UNC5C: variants seen among roughly 807,000 people sequenced by gnomAD.
The protein encoded by UNC5C is unc-5 netrin receptor C, also known as netrin receptor UNC5C.
Under a neutral mutation model 99.8 loss-of-function variants are expected in UNC5C, and 47 were observed. That is an observed-to-expected ratio of 0.47 (90% CI 0.37 to 0.60). The LOEUF (loss-of-function observed/expected upper bound fraction) is 0.60, where lower values mean the gene tolerates loss of function less well. UNC5C is among the 20% of genes least tolerant of loss of function. UNC5C has a pLI of 0.00. For missense variants in UNC5C, 1,062 were observed against 1,165.9 expected, an observed-to-expected ratio of 0.91 and a Z score of 1.30; for synonymous variants, 487 against 452.2, an observed-to-expected ratio of 1.08 and a Z score of -0.98.
intron 12 of UNC5C, among the ~76,000 whole-genome samples, chr4:95,201,760 T>G (rs755102648): frequency 6.6e-6 from 1 of 151,968 alleles, no homozygotes; most frequent in African/African-American, 2.4e-5. Context: ...CCTGCCATCA[T>G]GCCCGGCTAA....
At chr4:95,453,072 C>T (rs887572147) in intron 1 of UNC5C, among the ~76,000 whole-genome samples, 1 of 152,084 alleles carries the variant, frequency 6.6e-6, no homozygotes, top group African/African-American at 2.4e-5. Flanking sequence ...GGATTTGAAA[C>T]TAGTTTTTCT....
At chr4:95,300,434 G>A (rs983823026) in intron 3 of UNC5C, among the ~76,000 whole-genome samples, 1 of 152,128 alleles carries the variant, frequency 6.6e-6, no homozygotes, top group African/African-American at 2.4e-5. Flanking sequence ...GAACATGTAT[G>A]CTCTAGAAAT....
At position 95,164,915 on chromosome 4, in the gene UNC5C, G is replaced by T. The variant is rs1357909584; in HGVS notation, c.*4319C>A. The T allele has an allele frequency of 6.6e-6, 1 of 152,196 alleles. No homozygotes were observed. Among genetic ancestry groups the T allele is most frequent in the Non-Finnish European group, 1.5e-5 (1 of 68,046 alleles). 9.4% of individuals were successfully genotyped at this position (152,196 alleles called of 1,614,324 possible). On this transcript the variant is annotated 3_prime_UTR_variant, in exon 16 of 16. Transcript: ENST00000453304. Reference sequence around the variant, plus strand: ...TGCTCTCTTGCAAGTCCTTATATAGGTTTATATTTTCCTGGCCCCATAGGG... The same window carrying T: ...TGCTCTCTTGCAAGTCCTTATATAGTTTTATATTTTCCTGGCCCCATAGGG...
intron 1 of UNC5C, among the ~76,000 whole-genome samples, chr4:95,353,200 T>TG (rs1744050358): frequency 6.6e-6 from 1 of 152,140 alleles, no homozygotes; most frequent in Non-Finnish European, 1.5e-5. Flanking sequence ...TAATGCAATT[T>TG]GGGGGTCTCA....
chr4:95,492,000 T>C (rs1721506295), intron 1 of UNC5C, among the ~76,000 whole-genome samples: 1 of 151,540 alleles, frequency 6.6e-6, no homozygotes, highest in Admixed American at 6.6e-5. Flanking sequence ...GTGTTAGTTA[T>C]CTAATTACTA....
intron 7 of UNC5C, among the ~76,000 whole-genome samples, chr4:95,230,877 G>A (rs1221383601): frequency 6.6e-6 from 1 of 151,988 alleles, no homozygotes; most frequent in African/African-American, 2.4e-5. Context: ...CTTTGTAAAA[G>A]AGAACTATTG....
intron 3 of UNC5C, among the ~76,000 whole-genome samples, chr4:95,292,322 T>G (rs1358146802): frequency 6.7e-6 from 1 of 149,638 alleles, no homozygotes; most frequent in Admixed American, 6.7e-5. Context: ...CAGGCTGGAG[T>G]GCAGTAGTGC....
intron 1 of UNC5C, among the ~76,000 whole-genome samples, chr4:95,424,011 C>T (rs2149457346): frequency 6.6e-6 from 1 of 152,176 alleles, no homozygotes; most frequent in African/African-American, 2.4e-5. Flanking sequence ...GATCAGTTTC[C>T]ACAAACTAAA....
intron 1 of UNC5C, among the ~76,000 whole-genome samples, chr4:95,548,305 G>C (rs1186091484): frequency 6.6e-6 from 1 of 152,090 alleles, no homozygotes; most frequent in Non-Finnish European, 1.5e-5. Context: ...TCTTGGCACA[G>C]CGCGGGGAGC....
chr4:95,216,250 T>G (rs757951270), intron 9 of UNC5C, 39 bp from the exon 10 acceptor site: 1 of 1,543,642 alleles, frequency 6.5e-7, no homozygotes, highest in East Asian at 2.3e-5. Context: ...TTAAGACTTT[T>G]GCAGCACGTA....
intron 4 of UNC5C, among the ~76,000 whole-genome samples, chr4:95,273,233 T>C (rs561863250): frequency 1.3e-5 from 2 of 152,342 alleles, no homozygotes; most frequent in Non-Finnish European, 2.9e-5. Flanking sequence ...ATTAAACTCC[T>C]ATGAGAAATA....
intron 7 of UNC5C, among the ~76,000 whole-genome samples, chr4:95,234,791 A>G (rs1319262845): frequency 1.3e-5 from 2 of 152,210 alleles, no homozygotes; most frequent in African/African-American, 4.8e-5. Context: ...CATATATATT[A>G]TATGTTACAC....
intron 2 of UNC5C, among the ~76,000 whole-genome samples, chr4:95,322,603 C>A (rs1179630254): frequency 6.6e-6 from 1 of 151,918 alleles, no homozygotes; most frequent in Admixed American, 6.6e-5. Context: ...ATAAATAACA[C>A]ATGATATTGA....
At chr4:95,456,389 G>T (rs922854223) in intron 1 of UNC5C, among the ~76,000 whole-genome samples, 1 of 152,046 alleles carries the variant, frequency 6.6e-6, no homozygotes, top group Non-Finnish European at 1.5e-5. Context: ...TAATCATAGT[G>T]GTGATGGAAA....
At chr4:95,489,781 C>T (rs1427063010) in intron 1 of UNC5C, among the ~76,000 whole-genome samples, 8 of 151,492 alleles carry the variant, frequency 5.3e-5, no homozygotes, top group East Asian at 3.9e-4. Context: ...TTTGGGGTAA[C>T]GGAAGAAGGG....
In UNC5C at chr4:95,278,298, T is replaced by C. The variant is rs147738264; in HGVS notation, c.555A>G (p.Leu185=). ...TCCCTTCAGGTGGTCGACACTGGAG[T>C]AAGACTTCCTGTTCCAAAGACACTT... ...GKEVSLEQEV[L]LQCRPPEGIP... is the part of the protein sequence containing the mutation. Residue 185 remains leucine, a synonymous_variant, in exon 4 of 16, where the codon TTA becomes TTG. Transcript: ENST00000453304. 14 of 1,614,102 alleles carry C rather than the reference T, an allele frequency of 8.7e-6. No individual in the cohort carries two copies. The African/African-American group carries it at 1.6e-4, about 18-fold the overall frequency.
At chr4:95,182,832 C>CCACACA (rs1371867582) in intron 14 of UNC5C, 65 bp downstream of exon 14, 33 of 1,535,502 alleles carry the variant, frequency 2.1e-5, no homozygotes, top group Non-Finnish European at 2.7e-6. Flanking sequence ...CCCTTTTAGC[C>CCACACA]CACACACTCT....
chr4:95,537,740 A>C (rs904021061), intron 1 of UNC5C, among the ~76,000 whole-genome samples: 2 of 152,204 alleles, frequency 1.3e-5, no homozygotes, highest in African/African-American at 2.4e-5. Flanking sequence ...TTTCAAAAGG[A>C]TTATTATAGT....
At chr4:95,389,607 C>T (rs756585416) in intron 1 of UNC5C, among the ~76,000 whole-genome samples, 29 of 151,694 alleles carry the variant, frequency 1.9e-4, no homozygotes, top group Non-Finnish European at 3.1e-4. Context: ...ATGACTGATG[C>T]TTATTTCTGT....
Sources: allele counts gnomAD v4.1 joint callset (sites outside exome capture counted in the v4.1 genomes callset), GRCh38; gene constraint gnomAD v4.1.1; transcripts MANE v1.5; gene names NCBI Gene and HGNC (gene_info 2026-07-23, HGNC 2026-07-21).